Variants in PDZRN4 observed in about 807,000 individuals in gnomAD.
PDZRN4 encodes the protein PDZ domain-containing RING finger protein 4.
In PDZRN4, 70 loss-of-function variants were observed where a neutral mutation model predicts 99.0. The ratio of observed to expected loss-of-function variants is 0.71; its 90% confidence interval spans 0.58 to 0.86. The LOEUF (loss-of-function observed/expected upper bound fraction) is 0.86, where lower values mean the gene tolerates loss of function less well. Ranked by LOEUF, PDZRN4 falls within the 40% of genes least tolerant of loss-of-function variation. The pLI, the probability that PDZRN4 is intolerant of heterozygous loss-of-function variation, is 0.00. For missense variants in PDZRN4, 1,474 were observed against 1,331.2 expected (o/e 1.11, Z -1.67); for synonymous variants, 551 against 501.6 (o/e 1.10, Z -1.32).
chr12:41,346,483 A>ATAAAG (rs1438289759), intron 3 of PDZRN4, among the ~76,000 whole-genome samples: 2 of 151,902 alleles, frequency 1.3e-5, no homozygotes, highest in Non-Finnish European at 2.9e-5. Context: ...ATAAAATAAA[A>ATAAAG]TAAAAATAAA....
At chr12:41,346,863 G>A (rs886225472) in intron 3 of PDZRN4, among the ~76,000 whole-genome samples, 2 of 151,970 alleles carry the variant, frequency 1.3e-5, no homozygotes, top group South Asian at 4.1e-4. Context: ...CTATAGATTT[G>A]CCTATTCTGG....
chr12:41,517,603 G>T (rs73130665), intron 5 of PDZRN4, among the ~76,000 whole-genome samples: 46 of 152,192 alleles, frequency 3.0e-4, no homozygotes, highest in Non-Finnish European at 5.7e-4. Context: ...CCCAGTTCTA[G>T]ATCTGTCTCT....
intron 3 of PDZRN4, chr12:41,412,173 T>C (rs1952405060): frequency 6.6e-6 from 1 of 152,220 alleles, no homozygotes; most frequent in African/African-American, 2.4e-5. Context: ...ATATGTAATG[T>C]AGCAGTCGTA....
intron 3 of PDZRN4, among the ~76,000 whole-genome samples, chr12:41,396,016 C>T (rs1290745277): frequency 2.0e-5 from 3 of 152,054 alleles, no homozygotes; most frequent in Non-Finnish European, 4.4e-5. Flanking sequence ...CAACTTTCAC[C>T]TCTGTTTGTT....
intron 3 of PDZRN4, among the ~76,000 whole-genome samples, chr12:41,346,971 A>G (rs10748301): frequency 0.39 from 58,518 of 151,994 alleles, 11,359 homozygotes; most frequent in African/African-American, 0.41. Context: ...TTTCTTGCAT[A>G]TATTTGGTAC....
intron 3 of PDZRN4, among the ~76,000 whole-genome samples, chr12:41,267,215 T>C (rs7295707): frequency 0.039 from 5,997 of 152,244 alleles, 417 homozygotes; most frequent in African/African-American, 0.14. Flanking sequence ...AAATATACTG[T>C]AGTGGATTGG....
chr12:41,411,067 A>ATATATATATATATATATATATAT (rs34064559), intron 3 of PDZRN4, among the ~76,000 whole-genome samples: 1 of 140,434 alleles, frequency 7.1e-6, no homozygotes, highest in African/African-American at 2.7e-5. Context: ...ATATATATAT[A>ATATATATATATATATATATATAT]TTTTTTTTTT....
At chr12:41,259,663 T>C (rs2120827812) in intron 3 of PDZRN4, among the ~76,000 whole-genome samples, 1 of 152,234 alleles carries the variant, frequency 6.6e-6, no homozygotes, top group South Asian at 2.1e-4. Flanking sequence ...GAAAACTATG[T>C]TAAGCATTTA....
chr12:41,447,175 G>A (rs949030713), intron 3 of PDZRN4, among the ~76,000 whole-genome samples: 1 of 152,062 alleles, frequency 6.6e-6, no homozygotes, highest in African/African-American at 2.4e-5. Context: ...TGGTACTTTA[G>A]TTAAAAGAGC....
At chr12:41,448,404 A>G (rs1247618641) in intron 3 of PDZRN4, among the ~76,000 whole-genome samples, 1 of 152,122 alleles carries the variant, frequency 6.6e-6, no homozygotes, top group Non-Finnish European at 1.5e-5. Context: ...TTTGCCACTT[A>G]CGGAGTTTTC....
intron 3 of PDZRN4, among the ~76,000 whole-genome samples, chr12:41,294,035 T>A (rs1951473599): frequency 6.6e-6 from 1 of 152,142 alleles, no homozygotes; most frequent in Non-Finnish European, 1.5e-5. Context: ...AGGCTCAGAG[T>A]TTTATAGTTA....
At chr12:41,473,019 C>A (rs1423590089) in intron 3 of PDZRN4, among the ~76,000 whole-genome samples, 1 of 152,110 alleles carries the variant, frequency 6.6e-6, no homozygotes, top group Non-Finnish European at 1.5e-5. Context: ...TGCAAATACA[C>A]TTTATTTCAG....
intron 3 of PDZRN4, among the ~76,000 whole-genome samples, chr12:41,425,696 A>T (rs76667425): frequency 0.017 from 2,593 of 152,302 alleles, 29 homozygotes; most frequent in Non-Finnish European, 0.028. Context: ...TTAAGCAAAC[A>T]ACTAGAAAGC....
intron 3 of PDZRN4, among the ~76,000 whole-genome samples, chr12:41,461,602 A>T (rs1266908057): frequency 3.9e-5 from 6 of 152,138 alleles, no homozygotes; most frequent in African/African-American, 1.4e-4. Context: ...TGATATTCAT[A>T]TATATTAACC....
chr12:41,366,923 C>T lies in PDZRN4; in HGVS notation c.844-139533C>T, dbSNP rs565012844. On this transcript the variant is annotated intron_variant, in intron 3 of 9. Coordinates refer to ENST00000402685, the MANE Select transcript of PDZRN4 (RefSeq NM_001164595.2). ...AAATGTGCCTGAGTGGGCTACAATGCAGTTGGGGGATGAGAGGGTGCTGGG... is the reference window on the plus strand; with the variant it reads ...AAATGTGCCTGAGTGGGCTACAATGTAGTTGGGGGATGAGAGGGTGCTGGG... Among the ~76,000 whole-genome samples the T allele has an allele frequency of 1.1e-3, 164 of 152,084 alleles. 1 individual carries two copies. Among genetic ancestry groups the T allele is most frequent in the Middle Eastern group, 6.8e-3 (2 of 294 alleles).
At chr12:41,226,322 G>A (rs753247501) in intron 3 of PDZRN4, among the ~76,000 whole-genome samples, 1 of 151,778 alleles carries the variant, frequency 6.6e-6, no homozygotes, top group Non-Finnish European at 1.5e-5. Context: ...CATAGTACTA[G>A]CATCTTCTAA....
intron 7 of PDZRN4, among the ~76,000 whole-genome samples, chr12:41,559,976 T>C (rs746768515): frequency 5.9e-5 from 9 of 152,150 alleles, no homozygotes; most frequent in Non-Finnish European, 1.3e-4. Flanking sequence ...GCCTCCCCAG[T>C]CATGCAGAAC....
At chr12:41,552,874 T>C (rs993082478) in intron 6 of PDZRN4, 120 bp downstream of exon 6, 2 of 705,634 alleles carry the variant, frequency 2.8e-6, no homozygotes, top group Admixed American at 2.4e-5. Flanking sequence ...GAGTTGGCCA[T>C]GTTCCAAAAC....
chr12:41,256,683 G>A (rs1951206754), intron 3 of PDZRN4, among the ~76,000 whole-genome samples: 1 of 152,118 alleles, frequency 6.6e-6, no homozygotes, highest in African/African-American at 2.4e-5. Context: ...TCATTTGGCT[G>A]GATCATGACT....
Sources: gnomAD v4.1 joint callset for allele counts (sites outside exome capture counted in the v4.1 genomes callset) on GRCh38, gnomAD v4.1.1 for gene constraint, MANE v1.5 for transcripts, NCBI Gene and HGNC (gene_info 2026-07-23, HGNC 2026-07-21) for gene names.